The following PSD3 variants were observed in gnomAD, a reference collection of about 807,000 sequenced individuals.
PSD3 encodes the protein PH and SEC7 domain-containing protein 3.
Under a neutral mutation model 105.5 loss-of-function variants are expected in PSD3, and 49 were observed. That is an observed-to-expected ratio of 0.46 (90% CI 0.37 to 0.59). The LOEUF (loss-of-function observed/expected upper bound fraction) is 0.59. Among genes scored for constraint, PSD3 ranks in the 20% least tolerant of loss-of-function variants. The probability of loss-of-function intolerance (pLI) is 0.00; values close to 1 mark genes in which losing one functional copy is unlikely to be tolerated. For missense variants in PSD3, 1,561 were observed against 1,263.8 expected, an observed-to-expected ratio of 1.24 and a Z score of -3.57; for synonymous variants, 557 against 457.8, an observed-to-expected ratio of 1.22 and a Z score of -2.77.
intron 4 of PSD3, among the ~76,000 whole-genome samples, chr8:18,817,477 A>G (rs901916226): frequency 6.6e-6 from 1 of 152,178 alleles, no homozygotes; most frequent in Non-Finnish European, 1.5e-5. Flanking sequence ...CCTTATCTTA[A>G]TGAAATTTCT....
chr8:18,617,067 A>G (rs976151659), intron 11 of PSD3, among the ~76,000 whole-genome samples: 23 of 152,094 alleles, frequency 1.5e-4, no homozygotes, highest in African/African-American at 5.6e-4. Flanking sequence ...ATAAATTTGT[A>G]CACCTTTTCT....
intron 1 of PSD3, among the ~76,000 whole-genome samples, chr8:18,959,239 C>T (rs1376569236): frequency 3.9e-5 from 6 of 152,052 alleles, no homozygotes; most frequent in Admixed American, 3.9e-4. Flanking sequence ...GGTTCTTAAT[C>T]CCTTTCTGAA....
At chr8:19,002,364 C>T (rs541679120) in intron 1 of PSD3, among the ~76,000 whole-genome samples, 4 of 151,898 alleles carry the variant, frequency 2.6e-5, no homozygotes, top group Non-Finnish European at 5.9e-5. Flanking sequence ...CCCTGAGGCA[C>T]TTATAAACAC....
At chr8:18,839,353 CA>C (rs1313100151) in intron 4 of PSD3, among the ~76,000 whole-genome samples, 1 of 152,252 alleles carries the variant, frequency 6.6e-6, no homozygotes, top group East Asian at 1.9e-4. Flanking sequence ...TTTTCTTAAG[CA>C]TGAAACAGGA....
intron 4 of PSD3, among the ~76,000 whole-genome samples, chr8:18,820,198 T>C (rs1812579083): frequency 6.6e-6 from 1 of 150,552 alleles, no homozygotes; most frequent in Admixed American, 6.6e-5. Flanking sequence ...CTTGATTTTG[T>C]ATTTAACACC....
chr8:18,954,855 A>T (rs906553364), intron 1 of PSD3, among the ~76,000 whole-genome samples: 13 of 152,182 alleles, frequency 8.5e-5, no homozygotes, highest in Admixed American at 2.6e-4. Flanking sequence ...CTCTAATCCA[A>T]GGGAATTACA....
intron 2 of PSD3, among the ~76,000 whole-genome samples, chr8:18,905,601 C>T (rs774266111): frequency 6.6e-5 from 10 of 152,170 alleles, no homozygotes; most frequent in Admixed American, 3.9e-4. Context: ...GGATTATAGG[C>T]GTGAGCCACC....
At chr8:18,856,223 AC>A (rs1309826072) in intron 4 of PSD3, among the ~76,000 whole-genome samples, 1 of 152,086 alleles carries the variant, frequency 6.6e-6, no homozygotes, top group African/African-American at 2.4e-5. Flanking sequence ...GATGCAAGTA[AC>A]CCCCAACTCA....
At chr8:18,909,269 A>T (rs746019456) in intron 2 of PSD3, among the ~76,000 whole-genome samples, 1 of 152,140 alleles carries the variant, frequency 6.6e-6, no homozygotes. Flanking sequence ...AATGAACGTT[A>T]TCTCTCCCTT....
chr8:18,623,529 A>C lies in PSD3; in HGVS notation c.2410+9084T>G, dbSNP rs567323813. Among the ~76,000 whole-genome samples the C allele has an allele frequency of 4.6e-5, 7 of 151,220 alleles. No individual in the cohort carries two copies. The South Asian group carries it at 1.5e-3, about 32-fold the overall frequency. ...GTGGTATATGCCTGTAGTCCCAGCTATCTGGGTGGCTGAGGTGGGAAGACT... is the reference window on the plus strand; with the variant it reads ...GTGGTATATGCCTGTAGTCCCAGCTCTCTGGGTGGCTGAGGTGGGAAGACT... On this transcript the variant is annotated intron_variant, in intron 11 of 15. Coordinates refer to ENST00000327040, the MANE Select transcript of PSD3 (RefSeq NM_015310.4).
At chr8:18,956,383 C>T (rs1342538327) in intron 1 of PSD3, among the ~76,000 whole-genome samples, 1 of 152,098 alleles carries the variant, frequency 6.6e-6, no homozygotes, top group Non-Finnish European at 1.5e-5. Flanking sequence ...AACAAGATCC[C>T]AGGTGATGGT....
At chr8:18,658,430 C>T (rs986702144) in intron 9 of PSD3, among the ~76,000 whole-genome samples, 9 of 152,064 alleles carry the variant, frequency 5.9e-5, no homozygotes, top group South Asian at 2.1e-4. Context: ...GTAGCCTAGA[C>T]GTCATAGTCT....
At chr8:18,921,044 A>G (rs116446313) in intron 2 of PSD3, among the ~76,000 whole-genome samples, 2,392 of 152,326 alleles carry the variant, frequency 0.016, 67 homozygotes, top group African/African-American at 0.054. Flanking sequence ...GAAATTCTAC[A>G]TGAATGGAAT....
At chr8:18,725,758 C>G (rs1302582334) in intron 9 of PSD3, among the ~76,000 whole-genome samples, 2 of 152,252 alleles carry the variant, frequency 1.3e-5, no homozygotes, top group African/African-American at 4.8e-5. Context: ...TGGCCAAGAA[C>G]ACACTGCCTC....
chr8:18,572,419 G>T, intron 14 of PSD3, 109 bp downstream of exon 14: 1 of 1,343,614 alleles, frequency 7.4e-7, no homozygotes, highest in Non-Finnish European at 1.0e-6. Context: ...CACAGGGCAA[G>T]GTCTCACACC....
chr8:18,859,224 C>CTTT (rs35179243), intron 4 of PSD3, among the ~76,000 whole-genome samples: 10,556 of 130,194 alleles, frequency 0.081, 527 homozygotes, highest in African/African-American at 0.14. Context: ...CAAAGAAATC[C>CTTT]TTTTTTTTTT....
chr8:19,053,108 G>C (rs1041702872), intron 1 of PSD3, among the ~76,000 whole-genome samples: 1 of 152,148 alleles, frequency 6.6e-6, no homozygotes, highest in African/African-American at 2.4e-5. Context: ...GTGACTTACT[G>C]GGCAGGCTTT....
At chr8:18,579,425 C>T (rs1322081729) in intron 12 of PSD3, among the ~76,000 whole-genome samples, 1 of 152,104 alleles carries the variant, frequency 6.6e-6, no homozygotes, top group African/African-American at 2.4e-5. Flanking sequence ...TAATTACTAT[C>T]CATTTTCTCA....
At chr8:18,611,168 G>C (rs921412313) in intron 11 of PSD3, among the ~76,000 whole-genome samples, 2 of 151,640 alleles carry the variant, frequency 1.3e-5, no homozygotes, top group African/African-American at 4.8e-5. Context: ...AAAACAAGGA[G>C]GAGGTCATTA....
Sources: allele counts gnomAD v4.1 joint callset (sites outside exome capture counted in the v4.1 genomes callset), GRCh38; gene constraint gnomAD v4.1.1; transcripts MANE v1.5; gene names NCBI Gene and HGNC (gene_info 2026-07-23, HGNC 2026-07-21).